RNF213: variants seen among roughly 807,000 people sequenced by gnomAD.
RNF213 encodes the protein ring finger protein 213.
A neutral mutation model predicts 514.4 loss-of-function variants in RNF213; 341 were observed. The observed-to-expected ratio is 0.66, with a 90% CI of 0.61 to 0.73. RNF213 has a LOEUF of 0.73. Among genes scored for constraint, RNF213 ranks in the 30% least tolerant of loss-of-function variants. The pLI, the probability that RNF213 is intolerant of heterozygous loss-of-function variation, is 0.00. For synonymous variants in RNF213, 2,655 were observed against 2,658.2 expected (o/e 1.00, Z 0.04); for missense variants, 5,767 against 6,615.6 (o/e 0.87, Z 4.45).
At chr17:80,337,749 C>T (rs910229231) in intron 24 of RNF213, 23 bp downstream of exon 24, 32 of 1,537,148 alleles carry the variant, frequency 2.1e-5, no homozygotes, top group Non-Finnish European at 2.5e-5. Context: ...CAGCCCTCGG[C>T]GCAGCTGCGG....
At position 80,394,763 on chromosome 17, in the gene RNF213, TCTC is replaced by T. The variant is rs1411569748; in HGVS notation, c.*1269_*1271del. 3 of 152,174 alleles carry T rather than the reference TCTC, an allele frequency of 2.0e-5. No individual in the cohort carries two copies. The highest frequency in any genetic ancestry group is 7.2e-5 in the African/African-American group (3 of 41,414). 9.4% of individuals were successfully genotyped at this position (152,174 alleles called of 1,614,324 possible). ...AGGCACGGAAGGAACTGTGCTCCGT[TCTC>T]CTCACTGTCATGGTGCCACCAGTGT... On this transcript the variant is annotated 3_prime_UTR_variant, in exon 68 of 68. Transcript: ENST00000582970.
chr17:80,279,285 G>T (rs1303477988), intron 3 of RNF213, among the ~76,000 whole-genome samples: 2 of 152,142 alleles, frequency 1.3e-5, no homozygotes, highest in Admixed American at 1.3e-4. Flanking sequence ...AGAGCAGCAG[G>T]GGAGCCCAAG....
intron 3 of RNF213, among the ~76,000 whole-genome samples, chr17:80,281,608 C>T (rs1352253407): frequency 1.5e-5 from 2 of 132,606 alleles, no homozygotes; most frequent in African/African-American, 5.5e-5. Flanking sequence ...ACACAGCCAA[C>T]TCACACCACT....
Position 80,381,644 on chromosome 17 carries a change from G to A in RNF213, c.13895G>A (p.Gly4632Glu). 6.2e-7 allele frequency: 1 copy of A among 1,614,250 alleles called. No homozygotes were observed. ...CTGGAGCAGTTGGCCAAGATGCTGGGACACAGTGCCGACGAGACCATCGGC... is the reference window on the plus strand; with the variant it reads ...CTGGAGCAGTTGGCCAAGATGCTGGAACACAGTGCCGACGAGACCATCGGC... The part of the protein sequence containing the change: ...KDLEQLAKML[G>E]HSADETIGVV... The change falls in exon 57 of 68, where the codon GGA (glycine) becomes GAA (glutamate). Residue 4632 changes from glycine to glutamate, a missense_variant. Physicochemically the swap from Gly to Glu is moderately conservative, Grantham distance 98. Around this residue, in one of 13 missense-constraint regions of RNF213, gnomAD observed 1,245 missense variants for 1,339.0 expected, o/e 0.93. Coordinates refer to ENST00000582970, the MANE Select transcript of RNF213 (RefSeq NM_001256071.3).
chr17:80,331,607 A>C (rs2046418884), intron 20 of RNF213, among the ~76,000 whole-genome samples: 1 of 151,842 alleles, frequency 6.6e-6, no homozygotes, highest in South Asian at 2.1e-4. Flanking sequence ...CAGGCTGCTC[A>C]TGAACTCCTG....
chr17:80,359,542 A>G (rs1047595880), intron 37 of RNF213, among the ~76,000 whole-genome samples: 4 of 149,602 alleles, frequency 2.7e-5, no homozygotes. Context: ...AAAAAAAAAA[A>G]AAAAAAAAAA....
chr17:80,364,519 G>T lies in RNF213; in HGVS notation c.11837G>T (p.Gly3946Val), dbSNP rs947565770. The part of the protein sequence containing the change: ...GTESRVPELQ[G>V]LVTEHVFLLD... ...GAGAGCCGCGTCCCCGAGTTACAGG[G>T]GCTGGTGACCGAGCACGTCTTCTTA... is the stretch of plus-strand genomic sequence containing the variant. The change falls in exon 42 of 68, where the codon GGG (glycine) becomes GTG (valine). Residue 3946 changes from glycine to valine, a missense_variant. Physicochemically the swap from Gly to Val is moderately radical, Grantham distance 109. This residue lies in a region of RNF213 where 355 missense variants were observed against 358.0 expected (regional missense o/e 0.99). Coordinates refer to ENST00000582970, the MANE Select transcript of RNF213 (RefSeq NM_001256071.3). 1.9e-6 allele frequency: 3 copies of T among 1,614,036 alleles called. No homozygotes were observed. Among genetic ancestry groups the T allele is most frequent in the Middle Eastern group, 1.6e-4 (1 of 6,084 alleles).
intron 6 of RNF213, among the ~76,000 whole-genome samples, chr17:80,290,222 C>T (rs756957762): frequency 6.6e-5 from 10 of 152,232 alleles, no homozygotes; most frequent in Non-Finnish European, 1.5e-4. Context: ...GTGTGTCACA[C>T]GTGGACGTGC....
rs1420218659 is a variant in RNF213, at chr17:80,339,861, C to G, written c.5494C>G (p.Leu1832Val). ...PRGLQVGQPN[L>V]VVCGHSEVLP... ...AGGTCTGCAGGTCGGCCAGCCCAACCTCGTCGTCTGTGGCCACTCCGAGGT... is the reference window on the plus strand; with the variant it reads ...AGGTCTGCAGGTCGGCCAGCCCAACGTCGTCGTCTGTGGCCACTCCGAGGT... Residue 1832 changes from leucine (L) to valine (V), a missense_variant, in exon 26 of 68, where the codon CTC becomes GTC. By Grantham distance (32) the Leu-to-Val change is conservative. Coordinates refer to ENST00000582970, the MANE Select transcript of RNF213 (RefSeq NM_001256071.3). The G allele has an allele frequency of 6.5e-7, 1 of 1,536,974 alleles. No individual in the cohort carries two copies. The highest frequency in any genetic ancestry group is 2.0e-5 in the Admixed American group (1 of 51,002).
At chr17:80,376,735 GCTGTT>G in intron 52 of RNF213, 142 bp from the exon 53 acceptor site, 1 of 1,100,086 alleles carries the variant, frequency 9.1e-7, no homozygotes, top group East Asian at 2.6e-5. Context: ...TTCACAGGAA[GCTGTT>G]CTGTTTTCTT....
intron 42 of RNF213, among the ~76,000 whole-genome samples, chr17:80,366,470 A>T (rs1599145853): frequency 6.6e-6 from 1 of 151,754 alleles, no homozygotes; most frequent in Admixed American, 6.5e-5. Context: ...TTTTATTTGC[A>T]TTTCTCTAAT....
intron 9 of RNF213, among the ~76,000 whole-genome samples, chr17:80,295,247 G>T (rs761654376): frequency 6.6e-6 from 1 of 152,208 alleles, no homozygotes; most frequent in Non-Finnish European, 1.5e-5. Flanking sequence ...GCCTTGGAGG[G>T]AGAGTGGAAG....
At chr17:80,262,152 C>G (rs1266320024) in intron 1 of RNF213, among the ~76,000 whole-genome samples, 4 of 151,890 alleles carry the variant, frequency 2.6e-5, no homozygotes, top group African/African-American at 7.3e-5. Flanking sequence ...GAGGGAGTGT[C>G]CACTGGTGGT....
rs2078026686 is a variant in RNF213 at position 80,337,652 on chromosome 17, T to C, written c.4594T>C (p.Ser1532Pro). The part of the protein sequence containing the change: ...VNESHGSVER[S>P]SLTLATAINQ... ...TGAGAGTCATGGGTCTGTGGAACGC[T>C]CATCCCTGACCCTGGCCACGGCCAT... Residue 1532 changes from serine (S) to proline (P), a missense_variant, in exon 24 of 68, where the codon TCA (serine) becomes CCA (proline). By Grantham distance (74) the Ser-to-Pro change is moderately conservative (BLOSUM62 -1). Transcript: ENST00000582970. The C allele has an allele frequency of 1.3e-6, 2 of 1,537,272 alleles. No homozygotes were observed. The highest frequency in any genetic ancestry group is 4.9e-5 in the East Asian group (2 of 40,904).
chr17:80,379,545 T>A, intron 54 of RNF213, 75 bp from the exon 55 acceptor site: 1 of 1,334,720 alleles, frequency 7.5e-7, no homozygotes, highest in South Asian at 1.2e-5. Flanking sequence ...AAGGAGGTGT[T>A]CATTTGCATG....
chr17:80,292,771 T>TG (rs139675427), intron 8 of RNF213, among the ~76,000 whole-genome samples: 3,276 of 152,152 alleles, frequency 0.022, 130 homozygotes, highest in African/African-American at 0.075. Flanking sequence ...CCTCCTCACC[T>TG]GGGGGGTCCT....
chr17:80,288,113 G>C lies in RNF213; in HGVS notation c.560G>C (p.Gly187Ala). The change falls in exon 4 of 68, where the codon GGA becomes GCA. Residue 187 changes from glycine to alanine, a missense_variant. By Grantham distance (60) the Gly-to-Ala change is moderately conservative. Coordinates refer to ENST00000582970, the MANE Select transcript of RNF213 (RefSeq NM_001256071.3). The surrounding 1 kb of genome is among the most constrained non-coding windows in gnomAD (Gnocchi z 4.9). Reference protein sequence around the residue: ...QALGEAGVATGSEAQSSPQFQ... With the variant: ...QALGEAGVATASEAQSSPQFQ... The stretch of plus-strand genomic sequence containing the variant: ...TTGGGAGAGGCAGGAGTGGCCACAG[G>C]AAGTGAGGCTCAGAGCAGCCCGCAA... The C allele has an allele frequency of 6.2e-7, 1 of 1,608,312 alleles. No homozygotes were observed. Among genetic ancestry groups the C allele is most frequent in the Non-Finnish European group, 8.5e-7 (1 of 1,176,400 alleles).
In RNF213 at chr17:80,355,389, C is replaced by T. The variant is rs974990912; in HGVS notation, c.10862+813C>T. The T allele has an allele frequency of 5.3e-3, 923 of 175,180 alleles. 24 individuals carry two copies. Among genetic ancestry groups the T allele is most frequent in the Middle Eastern group, 0.014 (9 of 664 alleles). 10.9% of individuals were successfully genotyped at this position (175,180 alleles called of 1,614,324 possible). On this transcript the variant is annotated intron_variant, in intron 36 of 67. Transcript: ENST00000582970. ...GAATGGGAGCTTACAGGGGAAGAAGCGGGGTGAATGGGAATGGGGGCTCAC... is the reference window on the plus strand; with the variant it reads ...GAATGGGAGCTTACAGGGGAAGAAGTGGGGTGAATGGGAATGGGGGCTCAC...
At chr17:80,378,818 A>G (rs1403341453) in intron 54 of RNF213, among the ~76,000 whole-genome samples, 1 of 152,188 alleles carries the variant, frequency 6.6e-6, no homozygotes, top group Non-Finnish European at 1.5e-5. Context: ...ATATTGTGGC[A>G]CAATATCTGA....
Sources: gnomAD v4.1 joint callset for allele counts (sites outside exome capture counted in the v4.1 genomes callset) on GRCh38, gnomAD v4.1.1 for gene constraint, gnomAD v4.1.1 regional missense constraint, Gnocchi (gnomAD v3.1) non-coding constraint, MANE v1.5 for transcripts, NCBI Gene and HGNC (gene_info 2026-07-23, HGNC 2026-07-21) for gene names.